The following SETBP1 variants were observed in gnomAD, a reference collection of about 807,000 sequenced individuals.
SETBP1 encodes SET binding protein 1.
SETBP1 carries 9 observed loss-of-function variants against 101.0 expected under a neutral mutation model. That is an observed-to-expected ratio of 0.09 (90% CI 0.05 to 0.16). The LOEUF (loss-of-function observed/expected upper bound fraction) is 0.16, where lower values mean the gene tolerates loss of function less well. SETBP1 is among the 10% of genes least tolerant of loss of function. The probability of loss-of-function intolerance (pLI) is 1.00; values close to 1 mark genes in which losing one functional copy is unlikely to be tolerated. For missense variants in SETBP1, 1,858 were observed against 2,033.8 expected, an observed-to-expected ratio of 0.91 and a Z score of 1.66; for synonymous variants, 818 against 788.5, an observed-to-expected ratio of 1.04 and a Z score of -0.63.
intron 4 of SETBP1, among the ~76,000 whole-genome samples, chr18:44,972,115 C>A (rs558162511): frequency 4.6e-5 from 7 of 152,250 alleles, no homozygotes; most frequent in Non-Finnish European, 8.8e-5. Flanking sequence ...TTTCCCAGCA[C>A]CATTTATTAA....
At chr18:44,943,955 C>T (rs1242877657) in intron 3 of SETBP1, among the ~76,000 whole-genome samples, 2 of 151,896 alleles carry the variant, frequency 1.3e-5, no homozygotes, top group South Asian at 2.1e-4. Flanking sequence ...CTGCCTCAGC[C>T]TCCCGAGTAG....
At chr18:44,885,629 C>G (rs544930939) in intron 3 of SETBP1, among the ~76,000 whole-genome samples, 1 of 151,884 alleles carries the variant, frequency 6.6e-6, no homozygotes, top group African/African-American at 2.4e-5. Flanking sequence ...ATTTATTTGG[C>G]GAAATCGAGG....
intron 5 of SETBP1, among the ~76,000 whole-genome samples, chr18:45,047,444 G>A (rs543213424): frequency 2.7e-4 from 41 of 152,246 alleles, no homozygotes; most frequent in African/African-American, 9.6e-4. Context: ...TTGTTCACTG[G>A]CGCTTTCCAT....
intron 3 of SETBP1, among the ~76,000 whole-genome samples, chr18:44,898,305 C>T (rs2069956474): frequency 6.6e-6 from 1 of 152,100 alleles, no homozygotes; most frequent in Admixed American, 6.6e-5. Context: ...AGTGAATGTA[C>T]ATTGAGGATG....
chr18:44,916,564 A>C (rs2070432158), intron 3 of SETBP1, among the ~76,000 whole-genome samples: 1 of 152,162 alleles, frequency 6.6e-6, no homozygotes. Flanking sequence ...GAAATCTTAG[A>C]CTGAGACACC....
intron 2 of SETBP1, among the ~76,000 whole-genome samples, chr18:44,763,466 G>A (rs1001723751): frequency 6.6e-6 from 1 of 152,184 alleles, no homozygotes; most frequent in Non-Finnish European, 1.5e-5. Flanking sequence ...TGACATCAAG[G>A]TGTTTGCGTG....
At chr18:44,893,371 A>C (rs1031383521) in intron 3 of SETBP1, among the ~76,000 whole-genome samples, 3 of 152,204 alleles carry the variant, frequency 2.0e-5, no homozygotes, top group African/African-American at 7.2e-5. Context: ...CTCCATTTGA[A>C]AGATGTGCAA....
chr18:45,012,455 T>C (rs985341041), intron 4 of SETBP1, among the ~76,000 whole-genome samples: 2 of 152,104 alleles, frequency 1.3e-5, no homozygotes, highest in Admixed American at 6.5e-5. Flanking sequence ...ACTCATCCTG[T>C]GAGAGCCTCA....
chr18:44,866,993 A>C (rs578252057), intron 2 of SETBP1, among the ~76,000 whole-genome samples: 1 of 152,190 alleles, frequency 6.6e-6, no homozygotes. Flanking sequence ...AGTGTGCTAT[A>C]ATTCAGACGC....
intron 3 of SETBP1, among the ~76,000 whole-genome samples, chr18:44,936,236 G>A (rs576199995): frequency 6.6e-6 from 1 of 152,088 alleles, no homozygotes; most frequent in East Asian, 1.9e-4. Flanking sequence ...GGCAGAGGCT[G>A]CTGCTGGAAA....
intron 3 of SETBP1, among the ~76,000 whole-genome samples, chr18:44,930,006 C>G (rs1032916588): frequency 6.6e-6 from 1 of 152,206 alleles, no homozygotes; most frequent in Non-Finnish European, 1.5e-5. Context: ...GCATCCTTGT[C>G]TTGTGCCAGT....
chr18:44,839,326 G>A (rs62090606), intron 2 of SETBP1, among the ~76,000 whole-genome samples: 9,581 of 152,242 alleles, frequency 0.063, 379 homozygotes, highest in East Asian at 0.16. Context: ...CTCCACTTCC[G>A]TCACCCCGGG....
At chr18:44,880,271 C>T (rs1271995918) in intron 3 of SETBP1, among the ~76,000 whole-genome samples, 2 of 152,170 alleles carry the variant, frequency 1.3e-5, no homozygotes, top group East Asian at 3.8e-4. Context: ...AGTGAGAGGG[C>T]ATCTGCAGAA....
chr18:44,734,120 A>G (rs1052611895), intron 2 of SETBP1, among the ~76,000 whole-genome samples: 4 of 152,240 alleles, frequency 2.6e-5, no homozygotes, highest in African/African-American at 7.2e-5. Flanking sequence ...CTAGTACACT[A>G]GTTGAGATCA....
At chr18:44,870,782 C>T (rs1413077941) in intron 3 of SETBP1, 3 of 152,088 alleles carry the variant, frequency 2.0e-5, no homozygotes, top group South Asian at 2.1e-4. Flanking sequence ...AAAGGACACC[C>T]GGTAGAGACT....
chr18:45,032,170 A>G (rs899069231), intron 4 of SETBP1, among the ~76,000 whole-genome samples: 2 of 152,268 alleles, frequency 1.3e-5, no homozygotes, highest in Non-Finnish European at 2.9e-5. Context: ...CTTGTCACCT[A>G]TGGGTTCTTA....
At chr18:44,822,777 C>A (rs2072140469) in intron 2 of SETBP1, among the ~76,000 whole-genome samples, 1 of 152,178 alleles carries the variant, frequency 6.6e-6, no homozygotes, top group South Asian at 2.1e-4. Context: ...TTAGGTGCCC[C>A]CAATCTCACC....
chr18:45,063,699 G>T lies in SETBP1; in HGVS notation c.*1G>T, dbSNP rs751475882. 26 of 1,603,946 alleles carry T rather than the reference G, an allele frequency of 1.6e-5. No individual in the cohort carries two copies. Among genetic ancestry groups the T allele is most frequent in the Non-Finnish European group, 8.5e-7 (1 of 1,175,724 alleles). ...GAGTGAGAGCGAGGTCCTTCCCTAG[G>T]GCGGGTCTGGGCGTCTGCACCTGGG... On this transcript the variant is annotated 3_prime_UTR_variant, in exon 6 of 6. Coordinates refer to ENST00000649279, the MANE Select transcript of SETBP1 (RefSeq NM_015559.3).
At chr18:45,042,465 C>T (rs907454711) in intron 5 of SETBP1, among the ~76,000 whole-genome samples, 1 of 152,180 alleles carries the variant, frequency 6.6e-6, no homozygotes, top group Non-Finnish European at 1.5e-5. Flanking sequence ...TTGACAGGCA[C>T]TTTGTAGGCC....
Sources: allele counts gnomAD v4.1 joint callset (sites outside exome capture counted in the v4.1 genomes callset), GRCh38; gene constraint gnomAD v4.1.1; transcripts MANE v1.5; gene names NCBI Gene and HGNC (gene_info 2026-07-23, HGNC 2026-07-21).